SEMA5A: variants seen among roughly 807,000 people sequenced by gnomAD.
SEMA5A encodes the protein semaphorin 5A.
Under a neutral mutation model 135.5 loss-of-function variants are expected in SEMA5A, and 55 were observed. The observed-to-expected ratio is 0.41, with a 90% CI of 0.33 to 0.51. The LOEUF (loss-of-function observed/expected upper bound fraction) is 0.51. SEMA5A is among the 20% of genes least tolerant of loss of function. SEMA5A has a pLI of 0.37. For synonymous variants in SEMA5A, 580 were observed against 546.5 expected (o/e 1.06, Z -0.85); for missense variants, 1,290 against 1,419.9 (o/e 0.91, Z 1.47).
chr5:9,303,514 C>T (rs1276088280), intron 5 of SEMA5A, among the ~76,000 whole-genome samples: 3 of 152,026 alleles, frequency 2.0e-5, no homozygotes, highest in Non-Finnish European at 4.4e-5. Flanking sequence ...TTTAAGTTTA[C>T]ACACATAGAT....
intron 16 of SEMA5A, among the ~76,000 whole-genome samples, chr5:9,079,215 C>T (rs1411576336): frequency 6.6e-6 from 1 of 152,062 alleles, no homozygotes; most frequent in Non-Finnish European, 1.5e-5. Context: ...AACAGTCTCT[C>T]GGACCACAGT....
chr5:9,154,837 T>G (rs1742865696), intron 11 of SEMA5A, 142 bp from the exon 12 acceptor site: 1 of 698,750 alleles, frequency 1.4e-6, no homozygotes, highest in African/African-American at 1.8e-5. Context: ...ACAGTACACC[T>G]GGACACCACT....
At chr5:9,252,981 C>T (rs575686776) in intron 5 of SEMA5A, among the ~76,000 whole-genome samples, 7 of 152,236 alleles carry the variant, frequency 4.6e-5, no homozygotes, top group African/African-American at 1.7e-4. Flanking sequence ...CCTCACTATC[C>T]CCCTACTCTC....
intron 5 of SEMA5A, among the ~76,000 whole-genome samples, chr5:9,315,005 C>T (rs1752328441): frequency 6.6e-6 from 1 of 152,160 alleles, no homozygotes; most frequent in South Asian, 2.1e-4. Flanking sequence ...CTGATTTCCA[C>T]CGAAGGCAGC....
At chr5:9,172,180 C>T (rs1353080698) in intron 11 of SEMA5A, among the ~76,000 whole-genome samples, 1 of 152,060 alleles carries the variant, frequency 6.6e-6, no homozygotes, top group Non-Finnish European at 1.5e-5. Context: ...CCATAAAGCC[C>T]CAGACAACTG....
intron 5 of SEMA5A, among the ~76,000 whole-genome samples, chr5:9,313,318 C>G (rs193135025): frequency 4.1e-4 from 63 of 152,222 alleles, no homozygotes; most frequent in African/African-American, 1.2e-3. Context: ...GAATTGTCCC[C>G]TGGGGTGACA....
chr5:9,190,696 A>G (rs1806092), intron 10 of SEMA5A, among the ~76,000 whole-genome samples: 21,772 of 152,166 alleles, frequency 0.14, 1,832 homozygotes, highest in Admixed American at 0.25. Flanking sequence ...ACATCATCAT[A>G]AATGAACTGA....
chr5:9,413,603 G>A lies in SEMA5A; in HGVS notation c.-78+24153C>T, dbSNP rs937516213. On this transcript the variant is annotated intron_variant, in intron 2 of 22. Coordinates refer to ENST00000382496, the MANE Select transcript of SEMA5A (RefSeq NM_003966.3). ...AAGGCCTGCTGGGGGCTAAAAGGGC[G>A]TAGAAGAAGACAGATTTAGAAGAGA... Among the ~76,000 whole-genome samples, 8 of 152,200 alleles carry A rather than the reference G, an allele frequency of 5.3e-5. No individual in the cohort carries two copies. In the East Asian group the frequency reaches 5.8e-4, roughly 11 times the overall value.
intron 13 of SEMA5A, among the ~76,000 whole-genome samples, chr5:9,132,408 C>T (rs575028680): frequency 1.1e-4 from 17 of 152,206 alleles, no homozygotes; most frequent in African/African-American, 3.9e-4. Context: ...GATTTGGTAC[C>T]CTTATAAAGA....
At chr5:9,295,687 T>A (rs1332292436) in intron 5 of SEMA5A, among the ~76,000 whole-genome samples, 2 of 152,100 alleles carry the variant, frequency 1.3e-5, no homozygotes, top group African/African-American at 4.8e-5. Context: ...GATTTCCTCA[T>A]GCAAAATCAG....
chr5:9,526,997 G>T (rs1028294524), intron 1 of SEMA5A, among the ~76,000 whole-genome samples: 1 of 152,166 alleles, frequency 6.6e-6, no homozygotes, highest in Non-Finnish European at 1.5e-5. Context: ...CAGGGTCTCA[G>T]AAGGGTTGTA....
Position 9,038,023 on chromosome 5 carries a change from T to TAA in SEMA5A, c.*4872_*4873dup, listed in dbSNP as rs980251134. 6.6e-6 allele frequency: 1 copy of TAA among 152,174 alleles called. No homozygotes were observed. Among genetic ancestry groups the TAA allele is most frequent in the African/African-American group, 2.4e-5 (1 of 41,452 alleles). 9.4% of individuals were successfully genotyped at this position (152,174 alleles called of 1,614,324 possible). A position where few individuals can be genotyped will look rare whatever the true frequency, so the allele number is the denominator to read the frequency against. On this transcript the variant is annotated 3_prime_UTR_variant, in exon 23 of 23. Transcript: ENST00000382496. ...GGCTCAAATGGCATCTAGGGTCTGATAAGATAAGCGTAGGTAATTGCAGAT... is the reference window on the plus strand; with the variant it reads ...GGCTCAAATGGCATCTAGGGTCTGATAAAAGATAAGCGTAGGTAATTGCAGAT...
At chr5:9,441,712 G>A (rs552628274) in intron 1 of SEMA5A, among the ~76,000 whole-genome samples, 32 of 152,182 alleles carry the variant, frequency 2.1e-4, no homozygotes, top group Non-Finnish European at 3.8e-4. Context: ...AGCAGGGAGG[G>A]TGGCATCAGG....
At chr5:9,408,719 C>A (rs1196291051) in intron 2 of SEMA5A, among the ~76,000 whole-genome samples, 1 of 152,168 alleles carries the variant, frequency 6.6e-6, no homozygotes, top group Non-Finnish European at 1.5e-5. Flanking sequence ...AAGAAAGGTG[C>A]ACAAGTTCAC....
In SEMA5A at chr5:9,036,908, A is replaced by G. The variant is rs1735682566; in HGVS notation, c.*5989T>C. ...AGAAAATGATGCTCTCATTTTAGCA[A>G]CATGATAAAATAGTTCCGATTTTTC... On this transcript the variant is annotated 3_prime_UTR_variant, in exon 23 of 23. Coordinates refer to ENST00000382496, the MANE Select transcript of SEMA5A (RefSeq NM_003966.3). The G allele has an allele frequency of 6.5e-6, 1 of 152,746 alleles. No homozygotes were observed. Among genetic ancestry groups the G allele is most frequent in the African/African-American group, 2.4e-5 (1 of 41,590 alleles). The allele number at this position is 152,746 out of a possible 1,614,324, so 9.5% of individuals were successfully genotyped here. A position where few individuals can be genotyped will look rare whatever the true frequency, so the allele number is the denominator to read the frequency against.
chr5:9,430,525 G>A (rs997797867), intron 2 of SEMA5A, among the ~76,000 whole-genome samples: 1 of 152,146 alleles, frequency 6.6e-6, no homozygotes, highest in African/African-American at 2.4e-5. Flanking sequence ...TTGGATGGCA[G>A]GGAGATGACC....
At chr5:9,310,782 A>T (rs1280612788) in intron 5 of SEMA5A, among the ~76,000 whole-genome samples, 1 of 134,772 alleles carries the variant, frequency 7.4e-6, no homozygotes, top group Non-Finnish European at 1.6e-5. Context: ...GCAACTAAAG[A>T]TTCATAGTTT....
chr5:9,213,140 T>C (rs1403209121), intron 8 of SEMA5A, among the ~76,000 whole-genome samples: 2 of 152,214 alleles, frequency 1.3e-5, no homozygotes, highest in Non-Finnish European at 2.9e-5. Flanking sequence ...TCCACCTTTA[T>C]GACCTAATCA....
At chr5:9,324,234 A>C (rs1430489225) in intron 4 of SEMA5A, among the ~76,000 whole-genome samples, 1 of 151,678 alleles carries the variant, frequency 6.6e-6, no homozygotes, top group Non-Finnish European at 1.5e-5. Flanking sequence ...ACACCTGGCT[A>C]ATTTTTTGTA....
Sources: gnomAD v4.1 joint callset for allele counts (sites outside exome capture counted in the v4.1 genomes callset) on GRCh38, gnomAD v4.1.1 for gene constraint, MANE v1.5 for transcripts, NCBI Gene and HGNC (gene_info 2026-07-23, HGNC 2026-07-21) for gene names.